Variants in SLC41A3 observed in about 807,000 individuals in gnomAD.
SLC41A3 encodes the protein SLC41A1-like 2.
In SLC41A3, 44 loss-of-function variants were observed where a neutral mutation model predicts 45.4. The observed-to-expected ratio is 0.97, with a 90% CI of 0.76 to 1.25. The LOEUF (loss-of-function observed/expected upper bound fraction) is 1.25. SLC41A3 is among the 50% of genes most tolerant of loss of function. The pLI, the probability that SLC41A3 is intolerant of heterozygous loss-of-function variation, is 0.00. For synonymous variants in SLC41A3, 256 were observed against 252.4 expected (o/e 1.01, Z -0.13); for missense variants, 550 against 600.6 (o/e 0.92, Z 0.88).
At chr3:126,011,182 C>G (rs1939668550) in intron 9 of SLC41A3, among the ~76,000 whole-genome samples, 1 of 151,556 alleles carries the variant, frequency 6.6e-6, no homozygotes, top group African/African-American at 2.4e-5. Flanking sequence ...CCACCTGAAA[C>G]AAACAAAAAA....
intron 8 of SLC41A3, among the ~76,000 whole-genome samples, chr3:126,014,725 C>T (rs1386147332): frequency 1.3e-5 from 2 of 152,252 alleles, no homozygotes; most frequent in Non-Finnish European, 1.5e-5. Flanking sequence ...CCTCTGAAGG[C>T]TGTTTCTTCA....
intron 2 of SLC41A3, among the ~76,000 whole-genome samples, chr3:126,062,552 G>C (rs948072485): frequency 6.6e-6 from 1 of 152,150 alleles, no homozygotes; most frequent in Non-Finnish European, 1.5e-5. Flanking sequence ...ACTCATTAAG[G>C]GCATACAAGT....
Position 126,096,428 on chromosome 3 carries a change from T to C in SLC41A3, c.-79+5001A>G, listed in dbSNP as rs1168004975. Among the ~76,000 whole-genome samples the C allele has an allele frequency of 3.3e-5, 5 of 151,448 alleles. No homozygotes were observed. In the East Asian group the frequency reaches 9.7e-4, roughly 29 times the overall value. ...CATGGCCATAAACTGGCCCCAAAAC[T>C]GGCCATAAACAAAATCTCTGTGGCA... On this transcript the variant is annotated intron_variant, in intron 1 of 9. Coordinates refer to the SLC41A3 transcript ENST00000508835.
chr3:126,030,273 T>A (rs1309437583), intron 4 of SLC41A3, among the ~76,000 whole-genome samples: 1 of 137,678 alleles, frequency 7.3e-6, no homozygotes, highest in Non-Finnish European at 1.6e-5. Context: ...ATATATGATA[T>A]ATAATATATA....
At chr3:126,043,494 TA>T (rs137949537) in intron 3 of SLC41A3, among the ~76,000 whole-genome samples, 8,261 of 152,078 alleles carry the variant, frequency 0.054, 702 homozygotes, top group African/African-American at 0.18. Flanking sequence ...AAAAAAGTAT[TA>T]AAAATTGTAT....
chr3:126,056,822 G>C (rs1943700049), intron 2 of SLC41A3: 1 of 1,287,008 alleles, frequency 7.8e-7, no homozygotes, highest in Non-Finnish European at 9.9e-7. Context: ...CTGAAGGTCA[G>C]GCTCTCCTCA....
chr3:126,027,198 G>C (rs1941429666), intron 4 of SLC41A3, among the ~76,000 whole-genome samples: 1 of 152,172 alleles, frequency 6.6e-6, no homozygotes, highest in African/African-American at 2.4e-5. Context: ...ATGGGGCCTG[G>C]TGGGAGGTGA....
intron 2 of SLC41A3, chr3:126,056,736 C>T: frequency 1.4e-6 from 2 of 1,426,040 alleles, no homozygotes; most frequent in East Asian, 2.5e-5. Flanking sequence ...AGGGCCAGCA[C>T]AGATGAGTGA....
chr3:126,007,261 A>C, intron 10 of SLC41A3, 36 bp from the exon 11 acceptor site: 4 of 1,602,788 alleles, frequency 2.5e-6, no homozygotes, highest in Non-Finnish European at 2.6e-6. Context: ...AAGAAGACCA[A>C]GTCAGAAAGT....
At chr3:126,050,173 C>T (rs1943231068) in intron 3 of SLC41A3, among the ~76,000 whole-genome samples, 1 of 152,192 alleles carries the variant, frequency 6.6e-6, no homozygotes, top group Admixed American at 6.5e-5. Context: ...GGCCACTGTT[C>T]AGCCACTTGC....
upstream of SLC41A3, among the ~76,000 whole-genome samples, chr3:126,086,408 G>GGTTTTTTTTGTTTTT (rs776330275): frequency 4.7e-5 from 1 of 21,184 alleles, no homozygotes; most frequent in African/African-American, 1.3e-4. Context: ...TTGTTTTCTT[G>GGTTTTTTTTGTTTTT]TTTTTTTTTT....
chr3:126,079,494 A>G (rs545519907), intron 1 of SLC41A3, among the ~76,000 whole-genome samples: 510 of 152,366 alleles, frequency 3.3e-3, no homozygotes, highest in Non-Finnish European at 5.5e-3. Context: ...AGAGAAAACC[A>G]TGGAGAAACT....
At chr3:126,071,977 G>A (rs1370699174) in intron 1 of SLC41A3, among the ~76,000 whole-genome samples, 1 of 151,948 alleles carries the variant, frequency 6.6e-6, no homozygotes, top group Non-Finnish European at 1.5e-5. Context: ...ATATCACTGT[G>A]TTGCTCAGGC....
At chr3:126,060,446 A>C (rs1469589931) in intron 2 of SLC41A3, among the ~76,000 whole-genome samples, 1 of 152,040 alleles carries the variant, frequency 6.6e-6, no homozygotes, top group Non-Finnish European at 1.5e-5. Context: ...GGATACACAC[A>C]CACACACACA....
intron 4 of SLC41A3, among the ~76,000 whole-genome samples, chr3:126,028,512 G>C (rs577547907): frequency 1.2e-4 from 18 of 152,384 alleles, no homozygotes; most frequent in Admixed American, 4.6e-4. Flanking sequence ...GAAAAGCCTG[G>C]CTATCCAGGC....
upstream of SLC41A3, among the ~76,000 whole-genome samples, chr3:126,084,942 C>G (rs937251275): frequency 6.6e-6 from 1 of 152,198 alleles, no homozygotes; most frequent in Non-Finnish European, 1.5e-5. Flanking sequence ...TCAACACAGA[C>G]TTTAAGTCTG....
chr3:126,083,548 C>A (rs774219768), intron 1 of SLC41A3, among the ~76,000 whole-genome samples: 2 of 152,250 alleles, frequency 1.3e-5, no homozygotes, highest in Admixed American at 6.5e-5. Flanking sequence ...ACCGAGCCCA[C>A]CCAGGACAGT....
chr3:126,079,234 ACACACC>A (rs746391010), intron 1 of SLC41A3, among the ~76,000 whole-genome samples: 1,572 of 141,140 alleles, frequency 0.011, 23 homozygotes, highest in African/African-American at 0.034. Context: ...ACACACACAC[ACACACC>A]CACACACGAT....
At chr3:126,086,721 A>G (rs370191640), upstream of SLC41A3, among the ~76,000 whole-genome samples, 158 of 152,172 alleles carry the variant, frequency 1.0e-3, no homozygotes, top group African/African-American at 3.7e-3. Flanking sequence ...TTTAGCTGAC[A>G]ACTGCCCAGG....
Sources: gnomAD v4.1 joint callset for allele counts (sites outside exome capture counted in the v4.1 genomes callset) on GRCh38, gnomAD v4.1.1 for gene constraint, MANE v1.5 for transcripts, NCBI Gene and HGNC (gene_info 2026-07-23, HGNC 2026-07-21) for gene names.